The following ZFPM2 variants were observed in gnomAD, a reference collection of about 807,000 sequenced individuals.
ZFPM2 encodes zinc finger protein ZFPM2.
Under a neutral mutation model 98.6 loss-of-function variants are expected in ZFPM2, and 20 were observed. The observed-to-expected ratio is 0.20, with a 90% confidence interval of 0.14 to 0.29. The LOEUF (loss-of-function observed/expected upper bound fraction) is 0.29. Ranked by LOEUF, ZFPM2 falls within the 10% of genes least tolerant of loss-of-function variation. The pLI is 1.00. For missense variants in ZFPM2, 1,310 were observed against 1,388.6 expected (o/e 0.94, Z 0.90); for synonymous variants, 518 against 502.7 (o/e 1.03, Z -0.41).
chr8:105,331,504 A>G (rs767093932), intron 1 of ZFPM2, among the ~76,000 whole-genome samples: 2 of 151,732 alleles, frequency 1.3e-5, no homozygotes, highest in Non-Finnish European at 3.0e-5. Context: ...GTTAGTACCA[A>G]TGTACTTTAT....
At chr8:105,603,047 A>G (rs1337187707) in intron 4 of ZFPM2, among the ~76,000 whole-genome samples, 2 of 152,154 alleles carry the variant, frequency 1.3e-5, no homozygotes, top group East Asian at 1.9e-4. Flanking sequence ...CATGGAGAAT[A>G]GTGATTCATT....
intron 4 of ZFPM2, among the ~76,000 whole-genome samples, chr8:105,563,296 T>C (rs1469009750): frequency 3.9e-5 from 6 of 152,206 alleles, no homozygotes; most frequent in Non-Finnish European, 8.8e-5. Context: ...GGTTGTTGGT[T>C]CAACTAAAAG....
intron 5 of ZFPM2, among the ~76,000 whole-genome samples, chr8:105,696,319 C>T (rs576088436): frequency 1.3e-5 from 2 of 152,254 alleles, no homozygotes; most frequent in East Asian, 1.9e-4. Context: ...CTTCACTTAC[C>T]CTTATATGAT....
At chr8:105,401,843 A>G (rs1811347377) in intron 1 of ZFPM2, among the ~76,000 whole-genome samples, 1 of 152,168 alleles carries the variant, frequency 6.6e-6, no homozygotes, top group South Asian at 2.1e-4. Flanking sequence ...TTTGATTTTT[A>G]GAAACTATTG....
chr8:105,452,783 GACAAACAA>G (rs879738943), intron 3 of ZFPM2, among the ~76,000 whole-genome samples: 1 of 151,616 alleles, frequency 6.6e-6, no homozygotes, highest in African/African-American at 2.4e-5. Flanking sequence ...AAAACAAAAC[GACAAACAA>G]ACAAAATCCA....
At chr8:105,685,326 C>G (rs1586196987) in intron 5 of ZFPM2, among the ~76,000 whole-genome samples, 1 of 152,086 alleles carries the variant, frequency 6.6e-6, no homozygotes, top group East Asian at 1.9e-4. Context: ...GTTCACTAAG[C>G]AAATAAGTAA....
At chr8:105,642,414 A>G (rs756567335) in intron 5 of ZFPM2, among the ~76,000 whole-genome samples, 3 of 152,102 alleles carry the variant, frequency 2.0e-5, no homozygotes, top group Non-Finnish European at 4.4e-5. Context: ...TATTTTACTT[A>G]TATAATTTAA....
intron 5 of ZFPM2, among the ~76,000 whole-genome samples, chr8:105,665,872 T>C (rs1207305764): frequency 6.6e-6 from 1 of 152,176 alleles, no homozygotes; most frequent in Non-Finnish European, 1.5e-5. Context: ...ATGTATATGG[T>C]TGGCACATGA....
At chr8:105,393,014 T>G (rs974504740) in intron 1 of ZFPM2, among the ~76,000 whole-genome samples, 14 of 152,182 alleles carry the variant, frequency 9.2e-5, no homozygotes, top group African/African-American at 3.1e-4. Context: ...AAGCCTGGTT[T>G]CTAGTTCTTG....
intron 3 of ZFPM2, among the ~76,000 whole-genome samples, chr8:105,483,073 C>T (rs1324721639): frequency 7.3e-6 from 1 of 137,776 alleles, no homozygotes; most frequent in East Asian, 2.2e-4. Context: ...GTTGCCCAGG[C>T]TGGTCTTAAA....
chr8:105,777,289 G>A (rs1196330652), intron 5 of ZFPM2, among the ~76,000 whole-genome samples: 4 of 152,154 alleles, frequency 2.6e-5, no homozygotes, highest in Non-Finnish European at 5.9e-5. Flanking sequence ...TGTAAAATGT[G>A]TTTTAACATA....
chr8:105,332,274 CTTGT>C (rs1292742911), intron 1 of ZFPM2, among the ~76,000 whole-genome samples: 1 of 151,680 alleles, frequency 6.6e-6, no homozygotes, highest in African/African-American at 2.4e-5. Flanking sequence ...AGATTATTTA[CTTGT>C]TTATTAGTTG....
chr8:105,496,120 C>A (rs1237503044), intron 3 of ZFPM2, among the ~76,000 whole-genome samples: 1 of 152,142 alleles, frequency 6.6e-6, no homozygotes, highest in Admixed American at 6.5e-5. Context: ...AAGATCTTCA[C>A]AGTATTGCAT....
chr8:105,649,052 A>C (rs915208433), intron 5 of ZFPM2, among the ~76,000 whole-genome samples: 8 of 151,890 alleles, frequency 5.3e-5, no homozygotes, highest in Admixed American at 4.6e-4. Flanking sequence ...CTTTTATTTC[A>C]TTGAGCAGTG....
chr8:105,760,751 C>T (rs1812716544), intron 5 of ZFPM2, among the ~76,000 whole-genome samples: 1 of 152,018 alleles, frequency 6.6e-6, no homozygotes, highest in Non-Finnish European at 1.5e-5. Context: ...CTTCAGATGA[C>T]ATTTTCAAAT....
chr8:105,489,437 GATATATGTT>G (rs1813308778), intron 3 of ZFPM2, among the ~76,000 whole-genome samples: 2 of 134,476 alleles, frequency 1.5e-5, no homozygotes, highest in African/African-American at 3.0e-5. Flanking sequence ...TATATTTATA[GATATATGTT>G]TTTATATATA....
chr8:105,507,499 G>T (rs376903060), intron 3 of ZFPM2, among the ~76,000 whole-genome samples: 1 of 152,306 alleles, frequency 6.6e-6, no homozygotes, highest in South Asian at 2.1e-4. Context: ...TTATTCATCA[G>T]AATGTTTTGG....
At chr8:105,692,386 GTGCAAACTCAA>G (rs1224746597) in intron 5 of ZFPM2, among the ~76,000 whole-genome samples, 2 of 152,156 alleles carry the variant, frequency 1.3e-5, no homozygotes, top group African/African-American at 4.8e-5. Flanking sequence ...TATGTAGGGG[GTGCAAACTCAA>G]AATTTTGCTT....
chr8:105,380,918 T>TATATATTATAATATATATAAC (rs1289023380), intron 1 of ZFPM2, among the ~76,000 whole-genome samples: 3 of 109,582 alleles, frequency 2.7e-5, no homozygotes, highest in African/African-American at 1.1e-4. Context: ...ATATATGTTA[T>TATATATTATAATATATATAAC]ATATATTATA....
Sources: gnomAD v4.1 joint callset for allele counts (sites outside exome capture counted in the v4.1 genomes callset) on GRCh38, gnomAD v4.1.1 for gene constraint, MANE v1.5 for transcripts, NCBI Gene and HGNC (gene_info 2026-07-23, HGNC 2026-07-21) for gene names.